GRXCR1: variants seen among roughly 807,000 people sequenced by gnomAD.
GRXCR1 encodes glutaredoxin domain-containing cysteine-rich protein 1.
In GRXCR1, 27 loss-of-function variants were observed where a neutral mutation model predicts 27.3. That is an observed-to-expected ratio of 0.99 (90% CI 0.73 to 1.37). GRXCR1 has a LOEUF of 1.37. Among genes scored for constraint, GRXCR1 ranks in the 40% most tolerant of loss-of-function variants. GRXCR1 has a pLI of 0.00. For missense variants in GRXCR1, 379 were observed against 354.4 expected, an observed-to-expected ratio of 1.07 and a Z score of -0.56; for synonymous variants, 122 against 131.1, an observed-to-expected ratio of 0.93 and a Z score of 0.47.
chr4:42,923,444 A>G (rs1747069026), intron 1 of GRXCR1, among the ~76,000 whole-genome samples: 1 of 152,108 alleles, frequency 6.6e-6, no homozygotes. Flanking sequence ...AACAAAATAT[A>G]TCTTCTATTA....
At chr4:42,905,599 C>A (rs1393421910) in intron 1 of GRXCR1, among the ~76,000 whole-genome samples, 2 of 152,106 alleles carry the variant, frequency 1.3e-5, no homozygotes, top group Non-Finnish European at 2.9e-5. Context: ...TCTGGTCATT[C>A]TTGGCTTGTT....
chr4:43,013,329 A>C (rs753777334), intron 2 of GRXCR1, among the ~76,000 whole-genome samples: 1 of 152,210 alleles, frequency 6.6e-6, no homozygotes, highest in Non-Finnish European at 1.5e-5. Flanking sequence ...GTCCCTTCTT[A>C]GCAACATAGA....
At chr4:42,924,428 T>C (rs1747097334) in intron 1 of GRXCR1, among the ~76,000 whole-genome samples, 1 of 152,034 alleles carries the variant, frequency 6.6e-6, no homozygotes, top group Admixed American at 6.6e-5. Flanking sequence ...ATTAATTTCA[T>C]TTCACAGATA....
At position 43,004,596 on chromosome 4, in the gene GRXCR1, T is replaced by C. The variant is rs146146102; in HGVS notation, c.628-15758T>C. On this transcript the variant is annotated intron_variant, in intron 2 of 3. Transcript: ENST00000399770. ...TGCTCAAGACCTTGGGAGCCCACCC[T>C]TTGCATCAGTGTGCCCTGGAGACAT... is the stretch of plus-strand genomic sequence containing the variant. 2.6e-5 allele frequency among the ~76,000 whole-genome samples: 4 copies of C among 152,322 alleles called. No homozygotes were observed. In the East Asian group the frequency reaches 7.7e-4, roughly 29 times the overall value.
intron 1 of GRXCR1, among the ~76,000 whole-genome samples, chr4:42,949,109 A>T (rs138763706): frequency 1.1e-3 from 164 of 152,126 alleles, no homozygotes; most frequent in African/African-American, 3.5e-3. Context: ...TAATCCCAGC[A>T]CTTTGGGAGG....
At chr4:42,932,264 A>C (rs1001854970) in intron 1 of GRXCR1, among the ~76,000 whole-genome samples, 4 of 151,746 alleles carry the variant, frequency 2.6e-5, no homozygotes, top group Non-Finnish European at 5.9e-5. Context: ...TCCTCCTGCC[A>C]GGCCTGTGCG....
chr4:42,919,570 C>T (rs1218870687), intron 1 of GRXCR1, among the ~76,000 whole-genome samples: 1 of 152,062 alleles, frequency 6.6e-6, no homozygotes, highest in East Asian at 1.9e-4. Context: ...AGATTACTGC[C>T]TTCAGAGTTG....
intron 2 of GRXCR1, among the ~76,000 whole-genome samples, chr4:42,967,817 C>T (rs929437021): frequency 6.6e-6 from 1 of 152,080 alleles, no homozygotes; most frequent in African/African-American, 2.4e-5. Flanking sequence ...GTTTTCTAGT[C>T]AGGGCCAGAA....
intron 1 of GRXCR1, among the ~76,000 whole-genome samples, chr4:42,955,691 T>A (rs1747986258): frequency 6.6e-6 from 1 of 152,164 alleles, no homozygotes; most frequent in Non-Finnish European, 1.5e-5. Context: ...GCCACTGATA[T>A]TCAAATGTGT....
chr4:43,016,199 G>A (rs1279134613), intron 2 of GRXCR1, among the ~76,000 whole-genome samples: 1 of 152,112 alleles, frequency 6.6e-6, no homozygotes, highest in Non-Finnish European at 1.5e-5. Flanking sequence ...GTTCCTTCCA[G>A]GGCATCAACC....
At chr4:42,980,829 T>C (rs1294995692) in intron 2 of GRXCR1, among the ~76,000 whole-genome samples, 4 of 152,084 alleles carry the variant, frequency 2.6e-5, no homozygotes, top group African/African-American at 9.7e-5. Flanking sequence ...TATGTGCATA[T>C]ACATTTATAA....
In GRXCR1 at chr4:42,898,517, G is replaced by A. The variant is rs141283847; in HGVS notation, c.384+4867G>A. 4.4e-3 allele frequency among the ~76,000 whole-genome samples: 668 copies of A among 152,074 alleles called. 5 individuals carry two copies. The highest frequency in any genetic ancestry group is 6.8e-3 in the Non-Finnish European group (460 of 67,926). Reference sequence around the variant, plus strand: ...TCTCTGGTTCACTGAATCAAACTCCGATAATAGAATAATAGTTCAGTAAAA... The same window carrying A: ...TCTCTGGTTCACTGAATCAAACTCCAATAATAGAATAATAGTTCAGTAAAA... On this transcript the variant is annotated intron_variant, in intron 1 of 3. Coordinates refer to ENST00000399770, the MANE Select transcript of GRXCR1 (RefSeq NM_001080476.3).
At chr4:42,901,471 T>C (rs2109738321) in intron 1 of GRXCR1, among the ~76,000 whole-genome samples, 1 of 152,318 alleles carries the variant, frequency 6.6e-6, no homozygotes, top group Middle Eastern at 3.4e-3. Context: ...TCCTTCTGAC[T>C]TCTGCTTCCA....
At chr4:42,916,579 CT>C (rs1407900037) in intron 1 of GRXCR1, among the ~76,000 whole-genome samples, 6 of 151,994 alleles carry the variant, frequency 3.9e-5, no homozygotes, top group African/African-American at 1.4e-4. Context: ...CATAAACATT[CT>C]TGTCTGGAAT....
chr4:42,971,724 A>G (rs1748392599), intron 2 of GRXCR1, among the ~76,000 whole-genome samples: 1 of 151,946 alleles, frequency 6.6e-6, no homozygotes, highest in Admixed American at 6.6e-5. Flanking sequence ...TTGAGATGAG[A>G]CAAATATGGT....
At position 42,923,777 on chromosome 4, in the gene GRXCR1, T is replaced by A. The variant is rs10011199; in HGVS notation, c.384+30127T>A. ...TTTTTTTTTGCTTCAGAGACACACA[T>A]GATAGATACTGCTCACTGGCCAAGC... On this transcript the variant is annotated intron_variant, in intron 1 of 3. Coordinates refer to ENST00000399770, the MANE Select transcript of GRXCR1 (RefSeq NM_001080476.3). 9.0e-3 allele frequency among the ~76,000 whole-genome samples: 1,371 copies of A among 152,086 alleles called. 25 individuals carry two copies. Among genetic ancestry groups the A allele is most frequent in the African/African-American group, 0.031 (1,301 of 41,514 alleles).
intron 2 of GRXCR1, among the ~76,000 whole-genome samples, chr4:43,010,012 C>T (rs1320262849): frequency 2.6e-5 from 4 of 152,080 alleles, no homozygotes; most frequent in African/African-American, 9.7e-5. Context: ...TCAGGAGTGA[C>T]TCTTCTATAT....
intron 1 of GRXCR1, among the ~76,000 whole-genome samples, chr4:42,949,913 T>C (rs1297285678): frequency 6.6e-6 from 1 of 152,190 alleles, no homozygotes; most frequent in Non-Finnish European, 1.5e-5. Flanking sequence ...CTACAGGGAC[T>C]GAAATAACTT....
At chr4:43,012,815 C>A (rs1340993403) in intron 2 of GRXCR1, among the ~76,000 whole-genome samples, 2 of 151,998 alleles carry the variant, frequency 1.3e-5, no homozygotes, top group African/African-American at 4.8e-5. Context: ...TGAGCTTAAT[C>A]ACTGCGTTCT....
Sources: allele counts gnomAD v4.1 joint callset (sites outside exome capture counted in the v4.1 genomes callset), GRCh38; gene constraint gnomAD v4.1.1; transcripts MANE v1.5; gene names NCBI Gene and HGNC (gene_info 2026-07-23, HGNC 2026-07-21).